Variants in UHRF2 observed in about 807,000 individuals in gnomAD.
UHRF2 encodes ubiquitin like with PHD and ring finger domains 2, also known as E3 ubiquitin-protein ligase UHRF2.
A neutral mutation model predicts 96.8 loss-of-function variants in UHRF2; 23 were observed. That is an observed-to-expected ratio of 0.24 (90% CI 0.17 to 0.34). The LOEUF (loss-of-function observed/expected upper bound fraction) is 0.34, where lower values mean the gene tolerates loss of function less well. UHRF2 is among the 10% of genes least tolerant of loss of function. The pLI is 1.00. For missense variants in UHRF2, 685 were observed against 981.5 expected, an observed-to-expected ratio of 0.70 and a Z score of 4.04; for synonymous variants, 385 against 332.6, an observed-to-expected ratio of 1.16 and a Z score of -1.72.
At chr9:6,460,140 G>A (rs1011236014) in intron 3 of UHRF2, among the ~76,000 whole-genome samples, 12 of 152,198 alleles carry the variant, frequency 7.9e-5, no homozygotes, top group Admixed American at 2.6e-4. Context: ...TCATTTAAGT[G>A]CCATTACAAA....
At chr9:6,456,994 C>G (rs865850815) in intron 3 of UHRF2, among the ~76,000 whole-genome samples, 1 of 152,248 alleles carries the variant, frequency 6.6e-6, no homozygotes, top group South Asian at 2.1e-4. Context: ...TATACGGGCT[C>G]TTTTTTAGTT....
At chr9:6,451,536 G>A (rs1821864198) in intron 3 of UHRF2, among the ~76,000 whole-genome samples, 1 of 151,724 alleles carries the variant, frequency 6.6e-6, no homozygotes, top group Non-Finnish European at 1.5e-5. Context: ...GAGTGCAGTG[G>A]CGCGATCTCG....
At chr9:6,439,782 C>T (rs761431087) in intron 3 of UHRF2, among the ~76,000 whole-genome samples, 2 of 152,116 alleles carry the variant, frequency 1.3e-5, no homozygotes, top group Non-Finnish European at 2.9e-5. Context: ...TACAACTTGG[C>T]TGTGAGAACT....
chr9:6,437,301 C>T (rs1820909439), intron 3 of UHRF2, among the ~76,000 whole-genome samples: 1 of 152,202 alleles, frequency 6.6e-6, no homozygotes, highest in East Asian at 1.9e-4. Context: ...GGCACGATCT[C>T]GGCTCGCTGC....
chr9:6,419,840 A>C (rs1819823251), intron 1 of UHRF2, among the ~76,000 whole-genome samples: 1 of 152,148 alleles, frequency 6.6e-6, no homozygotes, highest in Admixed American at 6.5e-5. Flanking sequence ...TCCTGGGCTA[A>C]AGTGATCTCC....
At chr9:6,492,256 CT>C in intron 9 of UHRF2, 1 of 908,704 alleles carries the variant, frequency 1.1e-6, no homozygotes, top group Non-Finnish European at 1.5e-6. Flanking sequence ...TGCTCTCTTA[CT>C]TTCCATTACT....
intron 3 of UHRF2, among the ~76,000 whole-genome samples, chr9:6,436,989 A>G (rs1381822076): frequency 1.3e-5 from 2 of 152,248 alleles, no homozygotes; most frequent in South Asian, 2.1e-4. Flanking sequence ...GGAAAGGACT[A>G]TATAAAATAT....
chr9:6,460,427 A>T (rs1042446418), intron 3 of UHRF2, 146 bp from the exon 4 acceptor site: 4 of 627,672 alleles, frequency 6.4e-6, no homozygotes, highest in Non-Finnish European at 5.3e-6. Flanking sequence ...AACATGAAGT[A>T]ATAACACCTG....
At chr9:6,426,493 A>T (rs1425903605) in intron 2 of UHRF2, among the ~76,000 whole-genome samples, 1 of 152,188 alleles carries the variant, frequency 6.6e-6, no homozygotes, top group Non-Finnish European at 1.5e-5. Flanking sequence ...TCTTAGTTGA[A>T]GCTACTGTAG....
intron 10 of UHRF2, chr9:6,494,928 C>T (rs1056992014): frequency 6.6e-6 from 1 of 152,116 alleles, no homozygotes; most frequent in Non-Finnish European, 1.5e-5. Context: ...TTTTACTGAA[C>T]CAGCAGAGGA....
intron 4 of UHRF2, among the ~76,000 whole-genome samples, chr9:6,474,248 T>A (rs1823425964): frequency 6.6e-6 from 1 of 152,190 alleles, no homozygotes. Context: ...TATTTGACAT[T>A]GAAAGTTTTT....
chr9:6,454,785 C>T (rs1405317206), intron 3 of UHRF2, among the ~76,000 whole-genome samples: 1 of 152,140 alleles, frequency 6.6e-6, no homozygotes, highest in Non-Finnish European at 1.5e-5. Flanking sequence ...TTTAATGCTG[C>T]CTCACTCTAG....
At chr9:6,504,563 T>C (rs1410541120) in intron 14 of UHRF2, 30 bp from the exon 15 acceptor site, 1 of 1,546,592 alleles carries the variant, frequency 6.5e-7, no homozygotes, top group Non-Finnish European at 8.9e-7. Flanking sequence ...CTGCTAACTT[T>C]TCTTTCCTTA....
chr9:6,443,487 G>C (rs1233068868), intron 3 of UHRF2, among the ~76,000 whole-genome samples: 1 of 152,208 alleles, frequency 6.6e-6, no homozygotes, highest in East Asian at 1.9e-4. Flanking sequence ...CTCATTTTAA[G>C]AGAAGCATGC....
In UHRF2 at chr9:6,413,716, C is replaced by T. The variant is rs369129216; in HGVS notation, c.153+73C>T. 1,738 of 1,371,050 alleles carry T rather than the reference C, an allele frequency of 1.3e-3. 33 individuals are homozygous for T. In the South Asian group the frequency reaches 0.026, roughly 21 times the overall value. 84.9% of individuals were successfully genotyped at this position (1,371,050 alleles called of 1,614,324 possible). A position where few individuals can be genotyped will look rare whatever the true frequency, so the allele number is the denominator to read the frequency against. On this transcript the variant is annotated intron_variant, in intron 1 of 15. Transcript: ENST00000276893. ...CTGGGCTCCTCTGGACGCACCGGTC[C>T]GAGGGCTCTGTGCGCCGCGCGCGCA...
chr9:6,486,779 C>G (rs1298906983), intron 8 of UHRF2, 42 bp from the exon 9 acceptor site: 1 of 1,583,302 alleles, frequency 6.3e-7, no homozygotes, highest in Non-Finnish European at 8.7e-7. Context: ...TGTATCTTAA[C>G]TGTTCAGAGG....
chr9:6,478,425 C>G (rs1401082025), intron 6 of UHRF2, among the ~76,000 whole-genome samples: 1 of 152,192 alleles, frequency 6.6e-6, no homozygotes, highest in Non-Finnish European at 1.5e-5. Flanking sequence ...TTAATATTTA[C>G]TAAACACTAA....
chr9:6,499,829 C>CG lies in UHRF2; in HGVS notation c.1909-6_1909-5insG. 2 of 1,591,612 alleles carry CG rather than the reference C, an allele frequency of 1.3e-6. No homozygotes were observed. The highest frequency in any genetic ancestry group is 1.7e-6 in the Non-Finnish European group (2 of 1,167,394). Reference sequence around the variant, plus strand: ...CATTGTACTCTCCCTCCTCCCCCCCCATCAGTATCCAGCAGGTTACCCTTC... The same window carrying CG: ...CATTGTACTCTCCCTCCTCCCCCCCCGATCAGTATCCAGCAGGTTACCCTTC... On this transcript the variant is annotated splice_region_variant and splice_polypyrimidine_tract_variant and intron_variant, in intron 12 of 15. Transcript: ENST00000276893.
At position 6,413,628 on chromosome 9, in the gene UHRF2, C is replaced by T; in HGVS notation, c.138C>T (p.Phe46=). Residue 46 remains phenylalanine (F), a synonymous_variant, in exon 1 of 16, where the codon TTC becomes TTT. Coordinates refer to ENST00000276893, the MANE Select transcript of UHRF2 (RefSeq NM_152896.3). The stretch of plus-strand genomic sequence containing the variant: ...TGCGGCCCGAATGCCAGCGCCTCTT[C>T]TACCGGGGCAAGCAGGTGAGGCGCG... ...FDVRPECQRL[F]YRGKQLENGY... 5.6e-6 allele frequency: 9 copies of T among 1,593,086 alleles called. No homozygotes were observed. The highest frequency in any genetic ancestry group is 7.7e-6 in the Non-Finnish European group (9 of 1,171,622).
Sources: gnomAD v4.1 joint callset for allele counts (sites outside exome capture counted in the v4.1 genomes callset) on GRCh38, gnomAD v4.1.1 for gene constraint, MANE v1.5 for transcripts, NCBI Gene and HGNC (gene_info 2026-07-23, HGNC 2026-07-21) for gene names.